Variants in SPAG16 observed in about 807,000 individuals in gnomAD.
SPAG16 encodes sperm-associated antigen 16 protein.
A neutral mutation model predicts 80.4 loss-of-function variants in SPAG16; 86 were observed. That is an observed-to-expected ratio of 1.07 (90% CI 0.90 to 1.28). SPAG16 has a LOEUF of 1.28. SPAG16 is among the 50% of genes most tolerant of loss of function. The pLI, the probability that SPAG16 is intolerant of heterozygous loss-of-function variation, is 0.00. For synonymous variants in SPAG16, 294 were observed against 265.9 expected (o/e 1.11, Z -1.03); for missense variants, 870 against 765.3 (o/e 1.14, Z -1.61).
chr2:213,914,263 A>G (rs1441667243), intron 11 of SPAG16, among the ~76,000 whole-genome samples: 2 of 152,146 alleles, frequency 1.3e-5, no homozygotes, highest in Non-Finnish European at 2.9e-5. Context: ...TGTTAACTAA[A>G]CATTTTAATG....
intron 5 of SPAG16, among the ~76,000 whole-genome samples, chr2:213,330,015 T>C (rs893986670): frequency 1.3e-5 from 2 of 152,214 alleles, no homozygotes; most frequent in Admixed American, 1.3e-4. Context: ...AAGTCAAGAA[T>C]TGAGGTGTGT....
At chr2:213,436,406 A>G (rs1012401983) in intron 9 of SPAG16, among the ~76,000 whole-genome samples, 1 of 152,138 alleles carries the variant, frequency 6.6e-6, no homozygotes, top group African/African-American at 2.4e-5. Flanking sequence ...CAGTTAGAAA[A>G]ATGTGTAATA....
chr2:213,572,442 G>T (rs1256854061), intron 10 of SPAG16, among the ~76,000 whole-genome samples: 9 of 141,432 alleles, frequency 6.4e-5, no homozygotes, highest in Non-Finnish European at 1.1e-4. Flanking sequence ...CTGGTTGTTA[G>T]TTTTCCTTCT....
intron 15 of SPAG16, among the ~76,000 whole-genome samples, chr2:214,375,578 A>G (rs1364381839): frequency 6.6e-6 from 1 of 152,154 alleles, no homozygotes; most frequent in African/African-American, 2.4e-5. Flanking sequence ...ACTGCATACA[A>G]GAAAAAATCG....
chr2:213,487,084 T>G (rs1421545583), intron 9 of SPAG16, among the ~76,000 whole-genome samples: 1 of 152,016 alleles, frequency 6.6e-6, no homozygotes, highest in Non-Finnish European at 1.5e-5. Context: ...CACTTATATG[T>G]GGTGGAGCTG....
At chr2:214,194,489 T>A (rs184299552) in intron 15 of SPAG16, among the ~76,000 whole-genome samples, 1 of 152,206 alleles carries the variant, frequency 6.6e-6, no homozygotes, top group East Asian at 1.9e-4. Flanking sequence ...AAACTTCACA[T>A]TGTCAAATTG....
chr2:213,846,893 T>C (rs1471171460), intron 10 of SPAG16, among the ~76,000 whole-genome samples: 2 of 152,156 alleles, frequency 1.3e-5, no homozygotes, highest in African/African-American at 4.8e-5. Flanking sequence ...GGTCAGCAGG[T>C]CTAGTCTCTT....
rs912650438 is a variant in SPAG16, at chr2:213,573,053, C to A, written c.1070+82963C>A. Among the ~76,000 whole-genome samples the A allele has an allele frequency of 2.6e-5, 4 of 152,178 alleles. No individual in the cohort carries two copies. The South Asian group carries it at 8.3e-4, about 31-fold the overall frequency. ...GACTCGGAAAGGGAACTCCCTGACC[C>A]CTCGCGCTTCCCAGGTGAGGCAATG... On this transcript the variant is annotated intron_variant, in intron 10 of 15. Transcript: ENST00000331683.
At chr2:213,702,524 C>G (rs765142732) in intron 10 of SPAG16, among the ~76,000 whole-genome samples, 1 of 152,150 alleles carries the variant, frequency 6.6e-6, no homozygotes, top group African/African-American at 2.4e-5. Flanking sequence ...TGTAACGCCG[C>G]GAGGGTCCAC....
At chr2:213,501,104 G>A (rs542005145) in intron 10 of SPAG16, among the ~76,000 whole-genome samples, 1 of 152,356 alleles carries the variant, frequency 6.6e-6, no homozygotes, top group South Asian at 2.1e-4. Flanking sequence ...GGCATGTTGA[G>A]TGTGGAATGG....
At chr2:213,855,947 C>A (rs1436820161) in intron 10 of SPAG16, among the ~76,000 whole-genome samples, 2 of 66,502 alleles carry the variant, frequency 3.0e-5, no homozygotes, top group Non-Finnish European at 7.5e-5. Flanking sequence ...TTTCAAAACA[C>A]AATCATGTCC....
At chr2:214,035,483 C>G (rs550101491) in intron 13 of SPAG16, among the ~76,000 whole-genome samples, 3 of 152,208 alleles carry the variant, frequency 2.0e-5, no homozygotes, top group Non-Finnish European at 2.9e-5. Context: ...TGTTGGTGCC[C>G]AAAGTCCAGA....
rs1170701303 is a variant in SPAG16 at position 214,284,337 on chromosome 2, T to C, written c.1721-125803T>C. On this transcript the variant is annotated intron_variant, in intron 15 of 15. Transcript: ENST00000331683. ...ATCTCATCCCTTTAATTTCCTTTAG[T>C]TTGATTTGTTTCTTCCTTAACTTTC... Among the ~76,000 whole-genome samples the C allele has an allele frequency of 2.0e-5, 3 of 152,208 alleles. No individual in the cohort carries two copies. The East Asian group carries it at 5.8e-4, about 29-fold the overall frequency.
chr2:213,743,199 G>A (rs544554237), intron 10 of SPAG16, among the ~76,000 whole-genome samples: 131 of 152,270 alleles, frequency 8.6e-4, no homozygotes, highest in African/African-American at 3.1e-3. Flanking sequence ...CACCGCGCCC[G>A]GCTGTATTGT....
chr2:214,083,796 A>G (rs1422829256), intron 13 of SPAG16, among the ~76,000 whole-genome samples: 1 of 152,170 alleles, frequency 6.6e-6, no homozygotes, highest in Admixed American at 6.5e-5. Flanking sequence ...GTAGTGAGCC[A>G]TAATACCCAA....
At chr2:213,474,182 A>T (rs1019234221) in intron 9 of SPAG16, among the ~76,000 whole-genome samples, 1 of 152,160 alleles carries the variant, frequency 6.6e-6, no homozygotes, top group African/African-American at 2.4e-5. Context: ...TCCCATTCCA[A>T]GTTGCAGGGT....
intron 9 of SPAG16, among the ~76,000 whole-genome samples, chr2:213,381,487 C>T (rs2067170472): frequency 6.6e-6 from 1 of 152,170 alleles, no homozygotes; most frequent in South Asian, 2.1e-4. Flanking sequence ...ACATTCAGCA[C>T]TGGATGGTAG....
chr2:214,045,168 A>G (rs1054748702), intron 13 of SPAG16, among the ~76,000 whole-genome samples: 1 of 152,156 alleles, frequency 6.6e-6, no homozygotes, highest in African/African-American at 2.4e-5. Context: ...GGAATAATAA[A>G]GAGAACTTTG....
chr2:214,282,163 CA>C (rs1692996444), intron 15 of SPAG16, among the ~76,000 whole-genome samples: 1 of 152,030 alleles, frequency 6.6e-6, no homozygotes, highest in African/African-American at 2.4e-5. Context: ...TATTGCAGAT[CA>C]ATTATACTTT....
Sources: allele counts gnomAD v4.1 joint callset (sites outside exome capture counted in the v4.1 genomes callset), GRCh38; gene constraint gnomAD v4.1.1; transcripts MANE v1.5; gene names NCBI Gene and HGNC (gene_info 2026-07-23, HGNC 2026-07-21).